The following SCMH1 variants were observed in gnomAD, a reference collection of about 807,000 sequenced individuals.
The protein encoded by SCMH1 is Scm polycomb group protein homolog 1, also known as polycomb protein SCMH1.
A neutral mutation model predicts 70.8 loss-of-function variants in SCMH1; 37 were observed. That is an observed-to-expected ratio of 0.52 (90% confidence interval 0.40 to 0.69). SCMH1 has a LOEUF of 0.69. Ranked by LOEUF, SCMH1 falls within the 30% of genes least tolerant of loss-of-function variation. The probability of loss-of-function intolerance (pLI) is 0.00; values close to 1 mark genes in which losing one functional copy is unlikely to be tolerated. For missense variants in SCMH1, 607 were observed against 827.3 expected (o/e 0.73, Z 3.27); for synonymous variants, 292 against 307.4 (o/e 0.95, Z 0.52).
intron 10 of SCMH1, among the ~76,000 whole-genome samples, chr1:41,054,210 C>T (rs556865989): frequency 3.3e-5 from 5 of 152,102 alleles, no homozygotes; most frequent in Non-Finnish European, 5.9e-5. Flanking sequence ...ATTGGAAGAT[C>T]GATGAAAGGG....
At position 41,200,249 on chromosome 1, in the gene SCMH1, G is replaced by A. The variant is rs868668249; in HGVS notation, c.-117-13999C>T. Reference sequence around the variant, plus strand: ...TCCCAGCACTTTGGGAGGCTGAGGCGGGTGGATCACAAGGTCAGGAGATCG... The same window carrying A: ...TCCCAGCACTTTGGGAGGCTGAGGCAGGTGGATCACAAGGTCAGGAGATCG... On this transcript the variant is annotated intron_variant, in intron 1 of 14. Coordinates refer to ENST00000337495, the Ensembl canonical transcript of SCMH1. 3.4e-4 allele frequency among the ~76,000 whole-genome samples: 51 copies of A among 152,026 alleles called. 1 individual carries two copies. The highest frequency in any genetic ancestry group is 3.4e-3 in the Middle Eastern group (1 of 294).
At chr1:41,037,249 A>G (rs1384792507) in intron 13 of SCMH1, 113 bp downstream of exon 13, 1 of 1,074,768 alleles carries the variant, frequency 9.3e-7, no homozygotes, top group East Asian at 2.5e-5. Flanking sequence ...CCCTAGTCCC[A>G]CCACCAGGCA....
intron 7 of SCMH1, among the ~76,000 whole-genome samples, chr1:41,115,349 A>G (rs1296355896): frequency 6.6e-6 from 1 of 152,130 alleles, no homozygotes; most frequent in Non-Finnish European, 1.5e-5. Flanking sequence ...TTGAGATTAC[A>G]TTTTCTAGGA....
intron 1 of SCMH1, among the ~76,000 whole-genome samples, chr1:41,223,435 C>G (rs1659667895): frequency 2.0e-5 from 3 of 152,090 alleles, no homozygotes; most frequent in Admixed American, 1.3e-4. Context: ...CATCTTTGTA[C>G]TATCTTTCTG....
intron 6 of SCMH1, among the ~76,000 whole-genome samples, chr1:41,142,564 CT>C (rs1644195994): frequency 6.6e-6 from 1 of 152,090 alleles, no homozygotes; most frequent in South Asian, 2.1e-4. Flanking sequence ...AAGCTTTATG[CT>C]TTTTGAGATA....
chr1:41,054,818 C>T (rs1218095577), intron 10 of SCMH1, among the ~76,000 whole-genome samples: 1 of 152,220 alleles, frequency 6.6e-6, no homozygotes, highest in African/African-American at 2.4e-5. Context: ...CTTGCTCTGT[C>T]ATCCAGGCTG....
At chr1:41,074,467 CTT>C (rs1657564362) in intron 9 of SCMH1, among the ~76,000 whole-genome samples, 1 of 151,628 alleles carries the variant, frequency 6.6e-6, no homozygotes, top group South Asian at 2.1e-4. Context: ...CAGTCTGACA[CTT>C]AGTAGGTATT....
rs199893536 is a variant in SCMH1 at position 41,210,368 on chromosome 1, C to T, written c.-117-24118G>A. Among the ~76,000 whole-genome samples the T allele has an allele frequency of 4.6e-5, 7 of 152,120 alleles. No individual in the cohort carries two copies. In the East Asian group the frequency reaches 1.3e-3, roughly 29 times the overall value. ...ATTGGAAAAAAACTACTTTAAAGTT[C>T]GTATGGAACCAAAAAAGAGCCCACA... is the stretch of plus-strand genomic sequence containing the variant. On this transcript the variant is annotated intron_variant, in intron 1 of 14. Coordinates refer to ENST00000337495, the Ensembl canonical transcript of SCMH1.
intron 12 of SCMH1, among the ~76,000 whole-genome samples, chr1:41,044,077 A>C (rs1646591607): frequency 6.6e-6 from 1 of 152,168 alleles, no homozygotes; most frequent in South Asian, 2.1e-4. Context: ...TAGTAGTCTC[A>C]ACTTAGGTAG....
intron 6 of SCMH1, among the ~76,000 whole-genome samples, chr1:41,128,872 A>T (rs1398435017): frequency 6.6e-6 from 1 of 151,866 alleles, no homozygotes; most frequent in East Asian, 1.9e-4. Flanking sequence ...TGGATAGTTT[A>T]TACTGCTGTT....
chr1:41,215,320 C>T (rs1657859946), intron 1 of SCMH1, among the ~76,000 whole-genome samples: 1 of 152,116 alleles, frequency 6.6e-6, no homozygotes. Context: ...GGCTTCTCTG[C>T]TTAAAATCTT....
chr1:41,177,685 G>A (rs1384373862), intron 2 of SCMH1, among the ~76,000 whole-genome samples: 1 of 152,094 alleles, frequency 6.6e-6, no homozygotes, highest in Non-Finnish European at 1.5e-5. Flanking sequence ...GAGAAGTTTA[G>A]AGAAAAAAGA....
chr1:41,049,310 A>ATGTGTGTGTGTGTGTG (rs3030391), intron 10 of SCMH1, among the ~76,000 whole-genome samples: 43 of 149,894 alleles, frequency 2.9e-4, no homozygotes, highest in Non-Finnish European at 4.0e-4. Flanking sequence ...GCAAGGGCAT[A>ATGTGTGTGTGTGTGTG]TGTGTGTGTG....
chr1:41,176,858 T>G (rs1459737051), intron 2 of SCMH1, among the ~76,000 whole-genome samples: 2 of 152,196 alleles, frequency 1.3e-5, no homozygotes, highest in Admixed American at 1.3e-4. Context: ...AGCAGAATCC[T>G]CTGCAGACTT....
At chr1:41,118,760 T>G (rs1046225016) in intron 6 of SCMH1, among the ~76,000 whole-genome samples, 1 of 152,218 alleles carries the variant, frequency 6.6e-6, no homozygotes, top group African/African-American at 2.4e-5. Context: ...CCCAAGTGCT[T>G]CTTTCAATTT....
chr1:41,034,043 A>C (rs1330409159), intron 13 of SCMH1: 1 of 1,609,410 alleles, frequency 6.2e-7, no homozygotes, highest in Non-Finnish European at 8.5e-7. Flanking sequence ...GATCCTTTTA[A>C]CACTCCTGTG....
At chr1:41,064,637 C>A (rs781670032) in intron 10 of SCMH1, among the ~76,000 whole-genome samples, 41 of 152,036 alleles carry the variant, frequency 2.7e-4, no homozygotes, top group Admixed American at 4.6e-4. Context: ...CCATACAGGC[C>A]AGGCACAATG....
intron 4 of SCMH1, chr1:41,152,782 C>A: frequency 6.5e-7 from 1 of 1,540,652 alleles, no homozygotes. Flanking sequence ...AAATCTAAAT[C>A]ACTCCAAAGA....
intron 10 of SCMH1, among the ~76,000 whole-genome samples, chr1:41,066,184 C>T (rs1654528809): frequency 6.6e-6 from 1 of 152,202 alleles, no homozygotes; most frequent in Non-Finnish European, 1.5e-5. Context: ...GCTTATGGCT[C>T]AGAAAGGGTG....
Sources: gnomAD v4.1 joint callset for allele counts (sites outside exome capture counted in the v4.1 genomes callset) on GRCh38, gnomAD v4.1.1 for gene constraint, MANE v1.5 for transcripts, NCBI Gene and HGNC (gene_info 2026-07-23, HGNC 2026-07-21) for gene names.